Variants in MB observed in about 807,000 individuals in gnomAD.
The protein encoded by MB is nitrite reductase MB.
A neutral mutation model predicts 14.5 loss-of-function variants in MB; 10 were observed. The observed-to-expected ratio is 0.69, with a 90% CI of 0.43 to 1.17. The LOEUF is 1.17. Ranked by LOEUF, MB falls within the 50% of genes most tolerant of loss-of-function variation. MB has a pLI of 0.00. For missense variants in MB, 169 were observed against 192.7 expected (o/e 0.88, Z 0.73); for synonymous variants, 89 against 78.6 (o/e 1.13, Z -0.70).
chr22:35,621,965 C>T (rs1428903353), upstream of MB: 1 of 152,278 alleles, frequency 6.6e-6, no homozygotes, highest in Non-Finnish European at 1.5e-5. Flanking sequence ...CCAGCACCCA[C>T]CTGCACAGGT....
chr22:35,613,773 T>C (rs1186114508), intron 1 of MB, among the ~76,000 whole-genome samples: 1 of 152,172 alleles, frequency 6.6e-6, no homozygotes, highest in Non-Finnish European at 1.5e-5. Context: ...GCTGGGATTA[T>C]AGGCCTGAGC....
rs773284580 is a variant in MB at position 35,607,414 on chromosome 22, C to T, written c.348G>A (p.Leu116=). 1.9e-6 allele frequency: 3 copies of T among 1,613,900 alleles called. No individual in the cohort carries two copies. The highest frequency in any genetic ancestry group is 2.2e-5 in the South Asian group (2 of 91,076). ...EFISECIIQV[L]QSKHPGDFGA... ...CAAAGTCCCCGGGATGCTTGCTCTG[C>T]AGAACCTGGATGATGCATTCCGAGA... is the stretch of plus-strand genomic sequence containing the variant. Residue 116 remains leucine (L), a synonymous_variant, in exon 3 of 3, where the codon CTG becomes CTA. Transcript: ENST00000397326.
At chr22:35,613,219 A>G (rs1295587103) in intron 1 of MB, among the ~76,000 whole-genome samples, 3 of 152,260 alleles carry the variant, frequency 2.0e-5, no homozygotes, top group Non-Finnish European at 4.4e-5. Context: ...TGTCTGAGGC[A>G]GAGCAGGGCC....
intron 1 of MB, among the ~76,000 whole-genome samples, chr22:35,611,327 G>T (rs747939461): frequency 2.6e-5 from 4 of 152,138 alleles, no homozygotes; most frequent in Middle Eastern, 3.2e-3. Context: ...TACCAACAGG[G>T]TGTCTGGCAC....
At chr22:35,609,941 C>T (rs895930845) in intron 2 of MB, among the ~76,000 whole-genome samples, 4 of 152,180 alleles carry the variant, frequency 2.6e-5, no homozygotes, top group Non-Finnish European at 5.9e-5. Flanking sequence ...CTCCTGCTTC[C>T]AGTTGGGAAT....
intron 1 of MB, 94 bp downstream of exon 1, chr22:35,617,069 T>A: frequency 1.1e-6 from 1 of 921,000 alleles, no homozygotes; most frequent in Non-Finnish European, 1.8e-6. Flanking sequence ...TGCAGCCAAC[T>A]GACCTACCCC....
chr22:35,614,742 A>G (rs952323158), intron 1 of MB, among the ~76,000 whole-genome samples: 1 of 151,718 alleles, frequency 6.6e-6, no homozygotes, highest in African/African-American at 2.4e-5. Flanking sequence ...TACCATTATC[A>G]TTATCATTAT....
chr22:35,620,302 C>T (rs1923381182), upstream of MB, among the ~76,000 whole-genome samples: 1 of 152,154 alleles, frequency 6.6e-6, no homozygotes, highest in Admixed American at 6.5e-5. Context: ...GTACTCCAGC[C>T]TGGCAACAGA....
At chr22:35,612,359 G>A (rs1013890734) in intron 1 of MB, among the ~76,000 whole-genome samples, 1 of 152,142 alleles carries the variant, frequency 6.6e-6, no homozygotes. Context: ...TCACAACCAG[G>A]ATGCTGAGCT....
intron 1 of MB, among the ~76,000 whole-genome samples, chr22:35,616,083 G>A (rs140989643): frequency 4.6e-5 from 7 of 152,260 alleles, no homozygotes; most frequent in Non-Finnish European, 4.4e-5. Context: ...TCACAAATAA[G>A]GAGAAATTAA....
chr22:35,614,721 CTCA>C (rs1302611281), intron 1 of MB, among the ~76,000 whole-genome samples: 8 of 135,844 alleles, frequency 5.9e-5, no homozygotes, highest in Non-Finnish European at 1.1e-4. Context: ...CTTTCTCCTC[CTCA>C]TCATCTCTAC....
In MB at chr22:35,617,140, G is replaced by A. The variant is rs369028174; in HGVS notation, c.95+23C>T. The A allele has an allele frequency of 5.7e-6, 9 of 1,571,446 alleles. No homozygotes were observed. The East Asian group carries it at 1.6e-4, about 27-fold the overall frequency. ...TGATCTTAGGGTGTGGGTGGCAGGG[G>A]CAATGGAATCTCTTCCTTTTACCTG... On this transcript the variant is annotated intron_variant, in intron 1 of 2. Coordinates refer to ENST00000397326, the MANE Select transcript of MB (RefSeq NM_005368.3).
intron 1 of MB, among the ~76,000 whole-genome samples, chr22:35,622,915 C>G (rs1172676076): frequency 6.6e-6 from 1 of 152,234 alleles, no homozygotes; most frequent in Non-Finnish European, 1.5e-5. Flanking sequence ...CTACCCATTC[C>G]CAGCAGATGT....
chr22:35,609,522 A>C (rs1166457315), intron 2 of MB, among the ~76,000 whole-genome samples: 3 of 152,136 alleles, frequency 2.0e-5, no homozygotes, highest in South Asian at 4.2e-4. Flanking sequence ...GTCGAAGTTA[A>C]AGAGGGGTGG....
rs113783264 is a variant in MB, at chr22:35,617,161, A to G, written c.95+2T>C. ...AGGGGCAATGGAATCTCTTCCTTTT[A>G]CCTGATGAGGACTTCCTGCCCATGG... On this transcript the variant is annotated splice_donor_variant, in intron 1 of 2. Transcript: ENST00000397326. LOFTEE classifies it high-confidence loss of function. 6.2e-7 allele frequency: 1 copy of G among 1,611,552 alleles called. No individual in the cohort carries two copies. Among genetic ancestry groups the G allele is most frequent in the South Asian group, 1.1e-5 (1 of 91,030 alleles).
chr22:35,615,093 G>T (rs1474537197), intron 1 of MB, among the ~76,000 whole-genome samples: 1 of 152,138 alleles, frequency 6.6e-6, no homozygotes, highest in Non-Finnish European at 1.5e-5. Context: ...TGCAGTGAAG[G>T]CCTCAGTGTT....
chr22:35,614,349 A>G (rs1922891072), intron 1 of MB, among the ~76,000 whole-genome samples: 1 of 152,160 alleles, frequency 6.6e-6, no homozygotes, highest in Non-Finnish European at 1.5e-5. Context: ...GCACTTTGGG[A>G]GGCCAAGGCG....
At chr22:35,615,479 G>C (rs1923003263) in intron 1 of MB, 1 of 152,244 alleles carries the variant, frequency 6.6e-6, no homozygotes, top group Non-Finnish European at 1.5e-5. Flanking sequence ...GCAACACCCT[G>C]AGTCTCTTTC....
chr22:35,618,379 G>C (rs1365692741), upstream of MB, among the ~76,000 whole-genome samples: 1 of 152,174 alleles, frequency 6.6e-6, no homozygotes, highest in East Asian at 1.9e-4. Context: ...GAGTAAATGG[G>C]TGGATGGTTT....
Sources: allele counts gnomAD v4.1 joint callset (sites outside exome capture counted in the v4.1 genomes callset), GRCh38; gene constraint gnomAD v4.1.1; transcripts MANE v1.5; gene names NCBI Gene and HGNC (gene_info 2026-07-23, HGNC 2026-07-21).